Variants in BANP observed in about 807,000 individuals in gnomAD.
BANP encodes the protein protein BANP.
BANP carries 11 observed loss-of-function variants against 68.1 expected under a neutral mutation model. The ratio of observed to expected loss-of-function variants is 0.16; its 90% CI spans 0.10 to 0.27. BANP has a LOEUF of 0.27. BANP is among the 10% of genes least tolerant of loss of function. The probability of loss-of-function intolerance (pLI) is 1.00; values close to 1 mark genes in which losing one functional copy is unlikely to be tolerated. For missense variants in BANP, 504 were observed against 722.7 expected (o/e 0.70, Z 3.47); for synonymous variants, 329 against 303.2 (o/e 1.09, Z -0.88).
At chr16:88,010,151 A>T (rs2072645690) in intron 6 of BANP, among the ~76,000 whole-genome samples, 1 of 152,246 alleles carries the variant, frequency 6.6e-6, no homozygotes, top group African/African-American at 2.4e-5. Context: ...GGGCCTCATC[A>T]TTCAATGACT....
chr16:87,980,245 A>T (rs6540133), intron 2 of BANP, among the ~76,000 whole-genome samples: 47,503 of 152,104 alleles, frequency 0.31, 9,365 homozygotes, highest in African/African-American at 0.53. Context: ...TGTAAATTTT[A>T]AAAAATTGAC....
chr16:88,069,511 C>T (rs1043975020), intron 12 of BANP, among the ~76,000 whole-genome samples: 11 of 152,178 alleles, frequency 7.2e-5, no homozygotes, highest in African/African-American at 1.9e-4. Context: ...GGAGGGTAAT[C>T]GTGCTGCTCC....
At chr16:88,066,448 G>A (rs893532071) in intron 12 of BANP, among the ~76,000 whole-genome samples, 1 of 152,132 alleles carries the variant, frequency 6.6e-6, no homozygotes, top group Non-Finnish European at 1.5e-5. Context: ...GAAGGGCCTC[G>A]GCCACACCCA....
At chr16:88,006,067 G>C (rs2070999292) in intron 5 of BANP, 23 bp from the exon 6 acceptor site, 1 of 1,613,380 alleles carries the variant, frequency 6.2e-7, no homozygotes, top group East Asian at 2.2e-5. Flanking sequence ...ACATCGGGCT[G>C]GTGTGTTTTT....
intron 11 of BANP, among the ~76,000 whole-genome samples, chr16:88,042,427 C>A (rs1237021885): frequency 6.6e-6 from 1 of 152,196 alleles, no homozygotes; most frequent in Non-Finnish European, 1.5e-5. Flanking sequence ...CAGCTCTGGG[C>A]CCCTGTGGCC....
At chr16:87,961,868 A>G (rs999375616) in intron 1 of BANP, among the ~76,000 whole-genome samples, 2 of 152,098 alleles carry the variant, frequency 1.3e-5, no homozygotes, top group African/African-American at 4.8e-5. Flanking sequence ...GGTGTCTCTC[A>G]TATCCCCACC....
chr16:87,979,141 T>C (rs2062778880), intron 2 of BANP, among the ~76,000 whole-genome samples: 1 of 152,168 alleles, frequency 6.6e-6, no homozygotes, highest in South Asian at 2.1e-4. Context: ...AGGAATCATC[T>C]AGTGTGTACA....
In BANP at chr16:88,006,172, G is replaced by A. The variant is rs149402068; in HGVS notation, c.562G>A (p.Gly188Ser). 3.2e-5 allele frequency: 52 copies of A among 1,613,828 alleles called. No individual in the cohort carries two copies. The highest frequency in any genetic ancestry group is 1.6e-4 in the East Asian group (7 of 44,888). Residue 188 changes from glycine to serine, a missense_variant, in exon 6 of 14, where the codon GGC becomes AGC. This residue lies in a region of BANP where 238 missense variants were observed against 278.9 expected (regional missense o/e 0.85). Transcript: ENST00000682872. ...EDSHHEDGES[G>S]SEASDSVSSC... ...CAGCCACCACGAGGACGGGGAGAGC[G>A]GCTCGGAGGCCAGCGACTCTGTGTC...
rs900158627 is a variant in BANP at position 88,024,886 on chromosome 16, A to C, written c.896-2597A>C. Among the ~76,000 whole-genome samples, 41 of 152,328 alleles carry C rather than the reference A, an allele frequency of 2.7e-4. 2 individuals are homozygous for C. The highest frequency in any genetic ancestry group is 9.1e-4 in the African/African-American group (38 of 41,568). ...TTGAACTGGCAACTTGATTTTTACA[A>C]AGTTGAATTTAAATGTGAATGTTTT... On this transcript the variant is annotated intron_variant, in intron 7 of 13. Transcript: ENST00000682872.
intron 1 of BANP, among the ~76,000 whole-genome samples, chr16:87,972,846 G>C (rs1273266658): frequency 6.6e-6 from 1 of 152,176 alleles, no homozygotes; most frequent in South Asian, 2.1e-4. Context: ...GGGAGCTTTG[G>C]ATAATGCGTT....
intron 11 of BANP, among the ~76,000 whole-genome samples, chr16:88,040,704 T>A (rs575956491): frequency 3.2e-4 from 48 of 152,320 alleles, no homozygotes; most frequent in African/African-American, 1.1e-3. Context: ...ATGGCTCAGC[T>A]CCCCGTACTG....
intron 1 of BANP, among the ~76,000 whole-genome samples, chr16:87,969,524 T>C (rs2145484325): frequency 6.9e-6 from 1 of 144,568 alleles, no homozygotes; most frequent in Non-Finnish European, 1.5e-5. Context: ...AGATTACACA[T>C]CGAGATTGAC....
intron 11 of BANP, among the ~76,000 whole-genome samples, chr16:88,048,374 G>C (rs991422634): frequency 1.5e-4 from 23 of 152,090 alleles, no homozygotes; most frequent in African/African-American, 5.6e-4. Context: ...TTGGATTTCA[G>C]TAATGGAGGA....
At chr16:88,069,994 G>C (rs780926287) in intron 12 of BANP, among the ~76,000 whole-genome samples, 1 of 152,162 alleles carries the variant, frequency 6.6e-6, no homozygotes, top group African/African-American at 2.4e-5. Context: ...CGGACGGTGA[G>C]GACGAAGGCC....
intron 2 of BANP, among the ~76,000 whole-genome samples, chr16:87,976,173 G>C (rs982014554): frequency 1.6e-4 from 25 of 152,150 alleles, no homozygotes; most frequent in African/African-American, 5.8e-4. Context: ...TATATATCTT[G>C]GCAAATAGAT....
chr16:87,970,480 C>T (rs950281009), intron 1 of BANP, among the ~76,000 whole-genome samples: 14 of 152,090 alleles, frequency 9.2e-5, no homozygotes, highest in Non-Finnish European at 1.8e-4. Flanking sequence ...TACAGAGAAA[C>T]ATTCTATTGC....
At chr16:88,025,444 GAA>G (rs1567792673) in intron 7 of BANP, among the ~76,000 whole-genome samples, 1 of 152,200 alleles carries the variant, frequency 6.6e-6, no homozygotes, top group African/African-American at 2.4e-5. Flanking sequence ...GAGATGACCC[GAA>G]AATTGGAAGC....
At chr16:88,026,911 G>T (rs372455491) in intron 7 of BANP, among the ~76,000 whole-genome samples, 31 of 152,256 alleles carry the variant, frequency 2.0e-4, no homozygotes, top group Middle Eastern at 3.2e-3. Flanking sequence ...CCGGAAGGTG[G>T]TCAGTGCTCT....
At chr16:88,045,735 C>T (rs2081872643) in intron 11 of BANP, among the ~76,000 whole-genome samples, 1 of 139,826 alleles carries the variant, frequency 7.2e-6, no homozygotes, top group Admixed American at 8.1e-5. Context: ...TCTTCTTGGC[C>T]ACAGATGAGG....
Sources: gnomAD v4.1 joint callset for allele counts (sites outside exome capture counted in the v4.1 genomes callset) on GRCh38, gnomAD v4.1.1 for gene constraint, gnomAD v4.1.1 regional missense constraint, MANE v1.5 for transcripts, NCBI Gene and HGNC (gene_info 2026-07-23, HGNC 2026-07-21) for gene names.